Variants in ARHGAP15 observed in about 807,000 individuals in gnomAD.
The protein encoded by ARHGAP15 is Rho GTPase activating protein 15.
In ARHGAP15, 51 loss-of-function variants were observed where a neutral mutation model predicts 63.7. The ratio of observed to expected loss-of-function variants is 0.80; its 90% CI spans 0.64 to 1.01. The LOEUF (loss-of-function observed/expected upper bound fraction) is 1.01. Among genes scored for constraint, ARHGAP15 ranks in the 50% least tolerant of loss-of-function variants. ARHGAP15 has a pLI of 0.00. For missense variants in ARHGAP15, 560 were observed against 564.6 expected (o/e 0.99, Z 0.08); for synonymous variants, 191 against 193.8 (o/e 0.99, Z 0.12).
intron 12 of ARHGAP15, among the ~76,000 whole-genome samples, chr2:143,640,584 C>A (rs1680554777): frequency 6.6e-6 from 1 of 152,080 alleles, no homozygotes; most frequent in Non-Finnish European, 1.5e-5. Context: ...CAAATCAAGT[C>A]TTTTGACCAG....
intron 6 of ARHGAP15, among the ~76,000 whole-genome samples, chr2:143,339,863 C>A (rs1684976485): frequency 6.6e-6 from 1 of 152,300 alleles, no homozygotes; most frequent in Admixed American, 6.5e-5. Flanking sequence ...AATCCTGTGT[C>A]TCACTTACTA....
chr2:143,353,973 C>CG (rs1685691063), intron 6 of ARHGAP15, among the ~76,000 whole-genome samples: 1 of 151,614 alleles, frequency 6.6e-6, no homozygotes, highest in Non-Finnish European at 1.5e-5. Flanking sequence ...GTCTACAGAG[C>CG]AATTTTACCT....
At chr2:143,619,990 G>A (rs1698591781) in intron 11 of ARHGAP15, among the ~76,000 whole-genome samples, 1 of 152,090 alleles carries the variant, frequency 6.6e-6, no homozygotes, top group African/African-American at 2.4e-5. Flanking sequence ...AAACTGCATC[G>A]TACTGAGATA....
rs1691790339 is a variant in ARHGAP15 at position 143,475,831 on chromosome 2, G to A, written c.704-11542G>A. 2.0e-5 allele frequency among the ~76,000 whole-genome samples: 3 copies of A among 152,196 alleles called. No individual in the cohort carries two copies. In the South Asian group the frequency reaches 6.2e-4, roughly 31 times the overall value. On this transcript the variant is annotated intron_variant, in intron 8 of 13. Transcript: ENST00000295095. ...ATTCAAGTAAACTTGGAACTCTGCA[G>A]TTTTAGAGGGGCTTTGAGGGATGAT... is the stretch of plus-strand genomic sequence containing the variant.
At chr2:143,695,184 T>C (rs544208588) in intron 12 of ARHGAP15, among the ~76,000 whole-genome samples, 2 of 152,212 alleles carry the variant, frequency 1.3e-5, no homozygotes, top group African/African-American at 4.8e-5. Flanking sequence ...TATAAATGAA[T>C]AAATATAGTT....
At chr2:143,201,118 AT>A (rs994179107) in intron 2 of ARHGAP15, among the ~76,000 whole-genome samples, 33 of 149,622 alleles carry the variant, frequency 2.2e-4, no homozygotes, top group African/African-American at 6.9e-4. Flanking sequence ...TTTAATTTTT[AT>A]TTTTTTTTAG....
chr2:143,638,069 C>G (rs1259939443), intron 12 of ARHGAP15, among the ~76,000 whole-genome samples: 21 of 144,644 alleles, frequency 1.5e-4, no homozygotes, highest in African/African-American at 4.5e-4. Context: ...TAAACTAGTT[C>G]AACCATTGTG....
chr2:143,547,526 A>G (rs1370095509), intron 10 of ARHGAP15, among the ~76,000 whole-genome samples: 3 of 151,640 alleles, frequency 2.0e-5, no homozygotes, highest in Admixed American at 6.6e-5. Context: ...ACTACTGCCT[A>G]TACTTCCGGA....
intron 12 of ARHGAP15, among the ~76,000 whole-genome samples, chr2:143,661,782 G>T (rs532188186): frequency 3.3e-5 from 5 of 152,328 alleles, no homozygotes; most frequent in African/African-American, 9.6e-5. Flanking sequence ...GGGTCAGGGA[G>T]TTCCCTTTCC....
intron 6 of ARHGAP15, among the ~76,000 whole-genome samples, chr2:143,310,323 CTT>C: frequency 6.6e-6 from 1 of 152,044 alleles, no homozygotes; most frequent in East Asian, 1.9e-4. Flanking sequence ...TTGAAATTAA[CTT>C]TTAGTCAATT....
intron 8 of ARHGAP15, among the ~76,000 whole-genome samples, chr2:143,460,884 G>A (rs1690899556): frequency 6.6e-6 from 1 of 152,156 alleles, no homozygotes; most frequent in Non-Finnish European, 1.5e-5. Context: ...CAGACACATA[G>A]AATGTAAATA....
At chr2:143,341,677 C>T in intron 6 of ARHGAP15, among the ~76,000 whole-genome samples, 1 of 152,040 alleles carries the variant, frequency 6.6e-6, no homozygotes. Context: ...AAATTTCTTG[C>T]TTACTCTGCA....
chr2:143,319,950 C>A (rs1008093112), intron 6 of ARHGAP15, among the ~76,000 whole-genome samples: 1 of 152,150 alleles, frequency 6.6e-6, no homozygotes, highest in African/African-American at 2.4e-5. Context: ...ATTTAATAGA[C>A]TAAGTCATGC....
At chr2:143,527,292 T>C (rs1694321741) in intron 10 of ARHGAP15, among the ~76,000 whole-genome samples, 1 of 152,088 alleles carries the variant, frequency 6.6e-6, no homozygotes, top group South Asian at 2.1e-4. Flanking sequence ...TTAGAACTTT[T>C]TACCCATTTC....
intron 12 of ARHGAP15, among the ~76,000 whole-genome samples, chr2:143,640,254 A>G (rs1324017458): frequency 6.6e-6 from 1 of 152,128 alleles, no homozygotes; most frequent in Non-Finnish European, 1.5e-5. Context: ...AATCCATAGT[A>G]GTTAGGAGCA....
chr2:143,753,870 GAC>G (rs1686474270), intron 13 of ARHGAP15, among the ~76,000 whole-genome samples: 1 of 152,168 alleles, frequency 6.6e-6, no homozygotes, highest in African/African-American at 2.4e-5. Context: ...GCGAAGGAAA[GAC>G]ACACTGAACA....
chr2:143,355,039 T>C (rs1466824878), intron 6 of ARHGAP15, among the ~76,000 whole-genome samples: 1 of 152,236 alleles, frequency 6.6e-6, no homozygotes, highest in Non-Finnish European at 1.5e-5. Context: ...TTTTAGCTGG[T>C]ATAATTTTTG....
At chr2:143,612,063 A>G (rs757412162) in intron 11 of ARHGAP15, among the ~76,000 whole-genome samples, 71 of 152,216 alleles carry the variant, frequency 4.7e-4, no homozygotes, top group Non-Finnish European at 7.1e-4. Context: ...CGTGAAATAC[A>G]GTCTGGATAT....
intron 9 of ARHGAP15, among the ~76,000 whole-genome samples, chr2:143,495,609 A>G (rs1699618638): frequency 6.6e-6 from 1 of 152,218 alleles, no homozygotes. Context: ...AAATATGTCA[A>G]TTATGTTGAG....
Sources: gnomAD v4.1 joint callset for allele counts (sites outside exome capture counted in the v4.1 genomes callset) on GRCh38, gnomAD v4.1.1 for gene constraint, MANE v1.5 for transcripts, NCBI Gene and HGNC (gene_info 2026-07-23, HGNC 2026-07-21) for gene names.